Variants in RASAL2 observed in about 807,000 individuals in gnomAD.
The protein encoded by RASAL2 is RAS protein activator like 2, also known as ras GTPase-activating protein nGAP.
RASAL2 carries 58 observed loss-of-function variants against 128.9 expected under a neutral mutation model. The ratio of observed to expected loss-of-function variants is 0.45; its 90% CI spans 0.36 to 0.56. The LOEUF (loss-of-function observed/expected upper bound fraction) is 0.56. RASAL2 is among the 20% of genes least tolerant of loss of function. The pLI, the probability that RASAL2 is intolerant of heterozygous loss-of-function variation, is 0.00. For synonymous variants in RASAL2, 561 were observed against 580.8 expected (o/e 0.97, Z 0.49); for missense variants, 1,360 against 1,601.6 (o/e 0.85, Z 2.57).
intron 1 of RASAL2, among the ~76,000 whole-genome samples, chr1:178,167,799 A>C (rs1382525032): frequency 2.0e-5 from 3 of 152,014 alleles, no homozygotes; most frequent in African/African-American, 7.2e-5. Flanking sequence ...ACAAATCTCC[A>C]AAAATTTTCA....
At chr1:178,470,090 A>G (rs1648118436) in intron 17 of RASAL2, among the ~76,000 whole-genome samples, 1 of 152,256 alleles carries the variant, frequency 6.6e-6, no homozygotes, top group Admixed American at 6.5e-5. Flanking sequence ...ATTCTTTGTA[A>G]TGAATGACTT....
intron 4 of RASAL2, among the ~76,000 whole-genome samples, chr1:178,407,382 T>C (rs1302288671): frequency 6.6e-6 from 1 of 152,240 alleles, no homozygotes; most frequent in African/African-American, 2.4e-5. Context: ...TATCTACAAG[T>C]TCCTAAGTTA....
intron 1 of RASAL2, among the ~76,000 whole-genome samples, chr1:178,147,773 ATGAT>A (rs1484846538): frequency 3.9e-5 from 6 of 152,014 alleles, no homozygotes; most frequent in Admixed American, 6.6e-5. Context: ...TTACTATAAA[ATGAT>A]TGAGTGATTG....
intron 3 of RASAL2, among the ~76,000 whole-genome samples, chr1:178,382,814 T>C (rs550496517): frequency 6.6e-6 from 1 of 152,296 alleles, no homozygotes; most frequent in African/African-American, 2.4e-5. Context: ...CGTTGTTATG[T>C]TTTCATCATC....
At chr1:178,149,940 T>A (rs185467750) in intron 1 of RASAL2, among the ~76,000 whole-genome samples, 41 of 152,246 alleles carry the variant, frequency 2.7e-4, no homozygotes, top group African/African-American at 9.9e-4. Flanking sequence ...CAACCCCCAG[T>A]ATATAAATTT....
intron 4 of RASAL2, among the ~76,000 whole-genome samples, chr1:178,418,712 C>G (rs1674940762): frequency 6.6e-6 from 1 of 152,310 alleles, no homozygotes; most frequent in African/African-American, 2.4e-5. Context: ...CTGTTGTTCA[C>G]CAAATATTTT....
intron 1 of RASAL2, among the ~76,000 whole-genome samples, chr1:178,164,556 A>G (rs895671775): frequency 6.8e-6 from 1 of 147,292 alleles, no homozygotes; most frequent in Non-Finnish European, 1.5e-5. Context: ...CTTGCTCTAA[A>G]TGGTTTCCTG....
At chr1:178,228,807 G>T (rs1352535899) in intron 1 of RASAL2, among the ~76,000 whole-genome samples, 1 of 151,952 alleles carries the variant, frequency 6.6e-6, no homozygotes, top group African/African-American at 2.4e-5. Context: ...TCTTAATAGG[G>T]TGATCTTGAT....
chr1:178,384,152 C>CA (rs1672428325), intron 3 of RASAL2, among the ~76,000 whole-genome samples: 1 of 151,998 alleles, frequency 6.6e-6, no homozygotes, highest in African/African-American at 2.4e-5. Flanking sequence ...TAATTCTGTG[C>CA]AAAAAATTAC....
intron 1 of RASAL2, among the ~76,000 whole-genome samples, chr1:178,161,958 T>TTTTA (rs56767855): frequency 0.039 from 5,892 of 150,488 alleles, 334 homozygotes; most frequent in African/African-American, 0.13. Context: ...ATTTATTTAT[T>TTTTA]TTTATTTATT....
intron 1 of RASAL2, among the ~76,000 whole-genome samples, chr1:178,202,789 A>G (rs1203978380): frequency 6.6e-6 from 1 of 152,144 alleles, no homozygotes; most frequent in Non-Finnish European, 1.5e-5. Flanking sequence ...AATCAAGTGG[A>G]TGGGATGACT....
intron 5 of RASAL2, among the ~76,000 whole-genome samples, chr1:178,424,071 A>T (rs1675340270): frequency 6.6e-6 from 1 of 152,036 alleles, no homozygotes; most frequent in South Asian, 2.1e-4. Flanking sequence ...GAGGTGAGGG[A>T]CCTGTTTCTT....
chr1:178,119,525 C>A (rs1411254417), intron 1 of RASAL2, among the ~76,000 whole-genome samples: 1 of 152,138 alleles, frequency 6.6e-6, no homozygotes, highest in East Asian at 1.9e-4. Context: ...CCTCTTTGAC[C>A]CAAGTAGTGA....
At chr1:178,124,911 T>G (rs746053443) in intron 1 of RASAL2, among the ~76,000 whole-genome samples, 1 of 152,208 alleles carries the variant, frequency 6.6e-6, no homozygotes, top group Non-Finnish European at 1.5e-5. Flanking sequence ...TGGTAGAATT[T>G]CCTTTCTCCA....
chr1:178,408,644 T>C (rs1674150421), intron 4 of RASAL2, among the ~76,000 whole-genome samples: 1 of 151,966 alleles, frequency 6.6e-6, no homozygotes, highest in African/African-American at 2.4e-5. Context: ...TCTCTTTTTT[T>C]TCCTCATATT....
rs1383218188 is a variant in RASAL2 at position 178,475,526 on chromosome 1, T to A, written c.*2287T>A. 6.6e-6 allele frequency: 1 copy of A among 152,240 alleles called. No individual in the cohort carries two copies. Among genetic ancestry groups the A allele is most frequent in the Non-Finnish European group, 1.5e-5 (1 of 68,046 alleles). 9.4% of individuals were successfully genotyped at this position (152,240 alleles called of 1,614,324 possible). On this transcript the variant is annotated 3_prime_UTR_variant, in exon 18 of 18. Transcript: ENST00000367649. ...GCCACAGAAAACCTGGTAAGAGAAT[T>A]GTCAGTTTCATTGGCCATAAGTATG... is the stretch of plus-strand genomic sequence containing the variant.
rs144984024 is a variant in RASAL2 at position 178,151,140 on chromosome 1, G to A, written c.202+56446G>A. On this transcript the variant is annotated intron_variant, in intron 1 of 17. Coordinates refer to ENST00000367649, the MANE Select transcript of RASAL2 (RefSeq NM_170692.4). ...TTAGCAGCCAGGCATGGTGGCTCAC[G>A]TCTGTAAGTAATCCCAGCACTTTGG... 1.6e-3 allele frequency among the ~76,000 whole-genome samples: 238 copies of A among 152,260 alleles called. 1 individual carries two copies. Among genetic ancestry groups the A allele is most frequent in the African/African-American group, 5.4e-3 (225 of 41,552 alleles).
chr1:178,204,449 G>A (rs1428663740), intron 1 of RASAL2, among the ~76,000 whole-genome samples: 2 of 152,112 alleles, frequency 1.3e-5, no homozygotes, highest in African/African-American at 4.8e-5. Context: ...ATTCATCTCT[G>A]TATCTTTGAT....
At position 178,111,571 on chromosome 1, in the gene RASAL2, C is replaced by G. The variant is rs993589578; in HGVS notation, c.202+16877C>G. 3.9e-5 allele frequency among the ~76,000 whole-genome samples: 6 copies of G among 152,264 alleles called. No homozygotes were observed. The East Asian group carries it at 1.2e-3, about 29-fold the overall frequency. ...CCAGCAGTGTATGTAAGTTCCATTT[C>G]CACATCCTCATCAATACTTAATTTT... On this transcript the variant is annotated intron_variant, in intron 1 of 17. Transcript: ENST00000367649.
Sources: allele counts gnomAD v4.1 joint callset (sites outside exome capture counted in the v4.1 genomes callset), GRCh38; gene constraint gnomAD v4.1.1; transcripts MANE v1.5; gene names NCBI Gene and HGNC (gene_info 2026-07-23, HGNC 2026-07-21).